Variants in FBXO16 observed in about 807,000 individuals in gnomAD.
The protein encoded by FBXO16 is F-box protein 16.
In FBXO16, 31 loss-of-function variants were observed where a neutral mutation model predicts 41.0. The ratio of observed to expected loss-of-function variants is 0.76; its 90% CI spans 0.57 to 1.02. FBXO16 has a LOEUF of 1.02. Among genes scored for constraint, FBXO16 ranks in the 50% least tolerant of loss-of-function variants. The probability of loss-of-function intolerance (pLI) is 0.00; values close to 1 mark genes in which losing one functional copy is unlikely to be tolerated. For missense variants in FBXO16, 361 were observed against 346.2 expected (o/e 1.04, Z -0.34); for synonymous variants, 133 against 117.8 (o/e 1.13, Z -0.84).
At chr8:28,444,912 T>G (rs1430114555) in intron 7 of FBXO16, among the ~76,000 whole-genome samples, 1 of 150,100 alleles carries the variant, frequency 6.7e-6, no homozygotes, top group Admixed American at 6.7e-5. Context: ...ATTACAGGCG[T>G]GAGCCACCGT....
At chr8:28,481,418 T>G (rs1803510800) in intron 2 of FBXO16, among the ~76,000 whole-genome samples, 2 of 152,044 alleles carry the variant, frequency 1.3e-5, no homozygotes, top group South Asian at 4.1e-4. Context: ...CTCAGAGTAC[T>G]GGAAAGCAAA....
At chr8:28,442,429 G>A (rs1389081419) in intron 7 of FBXO16, among the ~76,000 whole-genome samples, 2 of 152,046 alleles carry the variant, frequency 1.3e-5, no homozygotes, top group African/African-American at 4.8e-5. Context: ...TGTCGCCCAG[G>A]CTGGAGCGCA....
chr8:28,476,706 T>TC (rs1803428657), intron 2 of FBXO16, among the ~76,000 whole-genome samples: 1 of 152,194 alleles, frequency 6.6e-6, no homozygotes, highest in Admixed American at 6.5e-5. Context: ...TGTGACATCA[T>TC]TACAATGTAG....
rs778391359 is a variant in FBXO16 at position 28,463,964 on chromosome 8, GC to G, written c.136-147del. On this transcript the variant is annotated intron_variant, in intron 3 of 8. Coordinates refer to ENST00000380254, the MANE Select transcript of FBXO16 (RefSeq NM_172366.4). ...TATTTCCCTAATCAGCAAATTCCATGCTTTGCCACCTATCTTCTCTCACATT... is the reference window on the plus strand; with the variant it reads ...TATTTCCCTAATCAGCAAATTCCATGTTTGCCACCTATCTTCTCTCACATT... 276 of 778,874 alleles carry G rather than the reference GC, an allele frequency of 3.5e-4. 2 individuals carry two copies. Among genetic ancestry groups the G allele is most frequent in the Non-Finnish European group, 5.1e-4 (256 of 498,376 alleles). 48.2% of individuals were successfully genotyped at this position (778,874 alleles called of 1,614,324 possible). A position where few individuals can be genotyped will look rare whatever the true frequency, so the allele number is the denominator to read the frequency against.
At chr8:28,487,127 T>C (rs939492455) in intron 1 of FBXO16, among the ~76,000 whole-genome samples, 2 of 152,084 alleles carry the variant, frequency 1.3e-5, no homozygotes, top group African/African-American at 2.4e-5. Flanking sequence ...TCCTGGTTCC[T>C]CAGAACTACA....
intron 7 of FBXO16, among the ~76,000 whole-genome samples, chr8:28,440,886 G>C (rs1056682104): frequency 2.6e-5 from 4 of 152,160 alleles, no homozygotes; most frequent in Non-Finnish European, 5.9e-5. Context: ...GGGTATTTGT[G>C]TTTATACTTG....
intron 2 of FBXO16, among the ~76,000 whole-genome samples, chr8:28,475,565 G>A (rs755407129): frequency 3.9e-5 from 6 of 152,178 alleles, no homozygotes; most frequent in Admixed American, 6.5e-5. Context: ...ATCATGCATC[G>A]CCCAACCCAT....
intron 7 of FBXO16, 150 bp downstream of exon 7, chr8:28,447,021 C>T: frequency 1.6e-6 from 1 of 628,258 alleles, no homozygotes; most frequent in Non-Finnish European, 2.7e-6. Flanking sequence ...AAGGTCATGG[C>T]TTCTCTGCCA....
intron 1 of FBXO16, among the ~76,000 whole-genome samples, chr8:28,489,367 C>A (rs879509799): frequency 1.1e-4 from 16 of 151,682 alleles, no homozygotes; most frequent in Non-Finnish European, 2.1e-4. Flanking sequence ...ACCAACACCA[C>A]CACCACCACA....
At chr8:28,441,902 A>G (rs1345480456) in intron 7 of FBXO16, among the ~76,000 whole-genome samples, 16 of 114,280 alleles carry the variant, frequency 1.4e-4, no homozygotes, top group Non-Finnish European at 2.0e-4. Flanking sequence ...TCCACAGTGT[A>G]TATATATATG....
At chr8:28,463,565 C>G (rs752808338) in intron 4 of FBXO16, 47 bp downstream of exon 4, 2 of 1,598,872 alleles carry the variant, frequency 1.3e-6, no homozygotes, top group East Asian at 4.5e-5. Context: ...TTCAAGTTTC[C>G]TAAGGCTGTC....
chr8:28,466,680 A>G (rs1803248325), intron 3 of FBXO16, among the ~76,000 whole-genome samples: 2 of 151,816 alleles, frequency 1.3e-5, no homozygotes, highest in African/African-American at 4.8e-5. Flanking sequence ...CTGTAGTCCC[A>G]GTTACATGGG....
At chr8:28,455,446 G>A (rs1281378531) in intron 5 of FBXO16, among the ~76,000 whole-genome samples, 5 of 152,006 alleles carry the variant, frequency 3.3e-5, no homozygotes, top group South Asian at 2.1e-4. Flanking sequence ...TATGTTATAC[G>A]AGCTGGTCTC....
At chr8:28,482,850 A>T (rs564628176) in intron 2 of FBXO16, among the ~76,000 whole-genome samples, 1 of 152,056 alleles carries the variant, frequency 6.6e-6, no homozygotes, top group Non-Finnish European at 1.5e-5. Context: ...AAGTGCTGGG[A>T]TTATAAGCAT....
intron 3 of FBXO16, among the ~76,000 whole-genome samples, chr8:28,464,947 C>T (rs761490186): frequency 6.6e-6 from 1 of 151,992 alleles, no homozygotes; most frequent in Non-Finnish European, 1.5e-5. Flanking sequence ...CCACTGTGCC[C>T]GGCTATAAAC....
chr8:28,456,193 C>T (rs1367855309), intron 5 of FBXO16, among the ~76,000 whole-genome samples: 1 of 123,920 alleles, frequency 8.1e-6, no homozygotes, highest in African/African-American at 3.4e-5. Context: ...GCCTAAGAAG[C>T]CACTAGAAAA....
At chr8:28,464,962 T>A (rs1215431962) in intron 3 of FBXO16, among the ~76,000 whole-genome samples, 2 of 152,186 alleles carry the variant, frequency 1.3e-5, no homozygotes, top group Non-Finnish European at 2.9e-5. Context: ...ATAAACAGAA[T>A]TTTATAATCT....
At chr8:28,471,712 CT>C (rs1158713069) in intron 3 of FBXO16, among the ~76,000 whole-genome samples, 1 of 146,156 alleles carries the variant, frequency 6.8e-6, no homozygotes, top group African/African-American at 2.5e-5. Flanking sequence ...CTGTTAATGC[CT>C]GGTAAGCATC....
At chr8:28,450,501 G>C (rs1350668437) in intron 6 of FBXO16, among the ~76,000 whole-genome samples, 1 of 152,182 alleles carries the variant, frequency 6.6e-6, no homozygotes, top group East Asian at 1.9e-4. Context: ...GCTATCAAGA[G>C]AGTGAATGTC....
Sources: allele counts gnomAD v4.1 joint callset (sites outside exome capture counted in the v4.1 genomes callset), GRCh38; gene constraint gnomAD v4.1.1; transcripts MANE v1.5; gene names NCBI Gene and HGNC (gene_info 2026-07-23, HGNC 2026-07-21).